Variants in XIRP2 observed in about 807,000 individuals in gnomAD.
XIRP2 encodes the protein xin actin-binding repeat-containing protein 2.
XIRP2 carries 236 observed loss-of-function variants against 277.0 expected under a neutral mutation model. The ratio of observed to expected loss-of-function variants is 0.85; its 90% CI spans 0.77 to 0.95. The LOEUF (loss-of-function observed/expected upper bound fraction) is 0.95, where lower values mean the gene tolerates loss of function less well. Ranked by LOEUF, XIRP2 falls within the 40% of genes least tolerant of loss-of-function variation. The probability of loss-of-function intolerance (pLI) is 0.00; values close to 1 mark genes in which losing one functional copy is unlikely to be tolerated. For missense variants in XIRP2, 4,640 were observed against 4,157.5 expected, an observed-to-expected ratio of 1.12 and a Z score of -3.19; for synonymous variants, 1,490 against 1,416.5, an observed-to-expected ratio of 1.05 and a Z score of -1.17.
At chr2:167,128,536 G>A (rs1317238099) in intron 2 of XIRP2, among the ~76,000 whole-genome samples, 2 of 152,184 alleles carry the variant, frequency 1.3e-5, no homozygotes, top group Admixed American at 6.5e-5. Context: ...ACGTGTATGG[G>A]TTTTGGTATC....
At chr2:167,083,017 C>T (rs1689788764) in intron 2 of XIRP2, among the ~76,000 whole-genome samples, 1 of 152,140 alleles carries the variant, frequency 6.6e-6, no homozygotes, top group South Asian at 2.1e-4. Flanking sequence ...AAGTCCTTGC[C>T]CATGCCTATG....
intron 5 of XIRP2, among the ~76,000 whole-genome samples, chr2:167,226,820 C>G (rs1175206905): frequency 6.6e-6 from 1 of 152,082 alleles, no homozygotes; most frequent in South Asian, 2.1e-4. Context: ...TCCAAGCTTC[C>G]GAAACATCAC....
chr2:167,078,702 T>C (rs1265699169), intron 2 of XIRP2, among the ~76,000 whole-genome samples: 2 of 151,994 alleles, frequency 1.3e-5, no homozygotes, highest in Non-Finnish European at 2.9e-5. Context: ...AAGGGCATGG[T>C]GGCGGGCGCC....
At chr2:166,949,143 G>C (rs1685963401) in intron 2 of XIRP2, among the ~76,000 whole-genome samples, 1 of 151,848 alleles carries the variant, frequency 6.6e-6, no homozygotes, top group Non-Finnish European at 1.5e-5. Context: ...TGAGCAACTG[G>C]TCCAGCATCA....
rs370711918 is a variant in XIRP2 at position 167,058,021 on chromosome 2, A to ATTATTTTATT, written c.409-77840_409-77831dup. Among the ~76,000 whole-genome samples the ATTATTTTATT allele has an allele frequency of 3.4e-3, 464 of 136,828 alleles. 3 individuals carry two copies. The highest frequency in any genetic ancestry group is 0.026 in the South Asian group (110 of 4,236). The allele number at this position is 136,828 out of a possible 152,430, so 89.8% of individuals were successfully genotyped here. On this transcript the variant is annotated intron_variant, in intron 2 of 10. Coordinates refer to ENST00000409195, the MANE Select transcript of XIRP2 (RefSeq NM_152381.6). ...TATGCATGTTTTATTTTATTTTATA[A>ATTATTTTATT]TTATTTTATTTTATTTTATTTTATT...
At chr2:167,150,269 T>C (rs1185037236) in intron 3 of XIRP2, among the ~76,000 whole-genome samples, 1 of 151,836 alleles carries the variant, frequency 6.6e-6, no homozygotes, top group Non-Finnish European at 1.5e-5. Flanking sequence ...AGTTGTGGAG[T>C]GTATAAAGAA....
Position 167,016,301 on chromosome 2 carries a change from A to G in XIRP2, c.408+112411A>G, listed in dbSNP as rs141384608. Among the ~76,000 whole-genome samples, 454 of 151,992 alleles carry G rather than the reference A, an allele frequency of 3.0e-3. 5 individuals are homozygous for G. Among genetic ancestry groups the G allele is most frequent in the African/African-American group, 0.01 (423 of 41,504 alleles). Reference sequence around the variant, plus strand: ...ATCCTAAAAGTCAGTTTCATTAGGTAAAGACTATTCTCTGTCCTAAAGCTA... The same window carrying G: ...ATCCTAAAAGTCAGTTTCATTAGGTGAAGACTATTCTCTGTCCTAAAGCTA... On this transcript the variant is annotated intron_variant, in intron 2 of 10. Coordinates refer to ENST00000409195, the MANE Select transcript of XIRP2 (RefSeq NM_152381.6).
chr2:166,963,481 A>C (rs917141871), intron 2 of XIRP2, among the ~76,000 whole-genome samples: 2 of 151,904 alleles, frequency 1.3e-5, no homozygotes, highest in Non-Finnish European at 2.9e-5. Context: ...AATAAATGAA[A>C]GTGTAAATGA....
At chr2:167,023,438 G>T (rs937973864) in intron 2 of XIRP2, among the ~76,000 whole-genome samples, 1 of 151,754 alleles carries the variant, frequency 6.6e-6, no homozygotes, top group Admixed American at 6.6e-5. Context: ...TTCTTTTGCT[G>T]TGCAGAAGCT....
rs555882520 is a variant in XIRP2 at position 166,932,681 on chromosome 2, G to A, written c.408+28791G>A. Among the ~76,000 whole-genome samples the A allele has an allele frequency of 5.7e-4, 87 of 151,710 alleles. No homozygotes were observed. The South Asian group carries it at 0.016, about 28-fold the overall frequency. ...GAATCTTTACTATTTTTCACATTTA[G>A]TTCTGGTAGTTCAATTTAAACTTTT... On this transcript the variant is annotated intron_variant, in intron 2 of 10. Transcript: ENST00000409195.
In XIRP2 at chr2:167,244,480, G is replaced by T. The variant is rs1220893692; in HGVS notation, c.3088G>T (p.Asp1030Tyr). Residue 1030 changes from aspartate (D) to tyrosine (Y), a missense_variant, in exon 9 of 11, where the codon GAT becomes TAT. Transcript: ENST00000409195. ...LFETRPIDQF[D>Y]ESIHKFQIIR... ...TGAAACAAGGCCCATTGACCAGTTT[G>T]ATGAAAGCATTCATAAATTTCAAAT... is the stretch of plus-strand genomic sequence containing the variant. 1 of 1,613,660 alleles carries T rather than the reference G, an allele frequency of 6.2e-7. No homozygotes were observed. The highest frequency in any genetic ancestry group is 1.3e-5 in the African/African-American group (1 of 74,890).
intron 4 of XIRP2, among the ~76,000 whole-genome samples, chr2:167,213,193 AC>A (rs1694108835): frequency 1.3e-5 from 2 of 152,184 alleles, no homozygotes; most frequent in African/African-American, 2.4e-5. Flanking sequence ...GAGAAGTAAC[AC>A]TTGTTGAGCA....
At chr2:167,090,261 G>A (rs1558976322) in intron 2 of XIRP2, among the ~76,000 whole-genome samples, 1 of 151,984 alleles carries the variant, frequency 6.6e-6, no homozygotes, top group Non-Finnish European at 1.5e-5. Context: ...AAAGATTTTA[G>A]GGTACTTTAA....
chr2:167,258,515 G>T lies in XIRP2; in HGVS notation c.*698G>T. On this transcript the variant is annotated 3_prime_UTR_variant, in exon 11 of 11. Transcript: ENST00000409195. Reference sequence around the variant, plus strand: ...AAAGAGTAACAGGAAAAGTGCTATGGATCTTAATGACAACAATAATGTGAT... The same window carrying T: ...AAAGAGTAACAGGAAAAGTGCTATGTATCTTAATGACAACAATAATGTGAT... 1 of 1,613,132 alleles carries T rather than the reference G, an allele frequency of 6.2e-7. No homozygotes were observed. Among genetic ancestry groups the T allele is most frequent in the South Asian group, 1.1e-5 (1 of 91,032 alleles).
intron 2 of XIRP2, among the ~76,000 whole-genome samples, chr2:167,062,246 C>T (rs944139507): frequency 6.6e-6 from 1 of 152,182 alleles, no homozygotes; most frequent in Non-Finnish European, 1.5e-5. Context: ...GGAATACCTA[C>T]ACCAGGGAAA....
At chr2:166,911,600 C>T (rs1477953449) in intron 2 of XIRP2, among the ~76,000 whole-genome samples, 10 of 152,078 alleles carry the variant, frequency 6.6e-5, no homozygotes, top group South Asian at 2.1e-4. Flanking sequence ...GAGCATTTAG[C>T]CCATTTCAAT....
rs753377067 is a variant in XIRP2, at chr2:167,249,186, ATCTGGAAT to A, written c.7796_7803del (p.Ser2599Ter). ...AAAAAACCAATGAGGAGGTTTCCCT[ATCTGGAAT>A]TGATTCAGAATGCACTGTGGTTCAA... On this transcript the variant is annotated frameshift_variant, in exon 9 of 11. Transcript: ENST00000409195. LOFTEE classifies it high-confidence loss of function. 1 of 1,613,708 alleles carries A rather than the reference ATCTGGAAT, an allele frequency of 6.2e-7. No homozygotes were observed. Among genetic ancestry groups the A allele is most frequent in the Non-Finnish European group, 8.5e-7 (1 of 1,179,758 alleles).
At chr2:167,050,774 C>T (rs1198108181) in intron 2 of XIRP2, among the ~76,000 whole-genome samples, 2 of 149,434 alleles carry the variant, frequency 1.3e-5, no homozygotes, top group African/African-American at 4.9e-5. Context: ...GTAAGTGGAA[C>T]AGGACTAACA....
At chr2:166,933,883 T>C (rs1480072963) in intron 2 of XIRP2, among the ~76,000 whole-genome samples, 4 of 152,158 alleles carry the variant, frequency 2.6e-5, no homozygotes, top group Admixed American at 2.6e-4. Flanking sequence ...CTCTGATATT[T>C]GCTATTTCTT....
Sources: gnomAD v4.1 joint callset for allele counts (sites outside exome capture counted in the v4.1 genomes callset) on GRCh38, gnomAD v4.1.1 for gene constraint, MANE v1.5 for transcripts, NCBI Gene and HGNC (gene_info 2026-07-23, HGNC 2026-07-21) for gene names.